Variants in EDIL3 observed in about 807,000 individuals in gnomAD.
EDIL3 encodes the protein EGF like and discoidin domains 3.
A neutral mutation model predicts 67.4 loss-of-function variants in EDIL3; 37 were observed. That is an observed-to-expected ratio of 0.55 (90% CI 0.42 to 0.72). EDIL3 has a LOEUF of 0.72. EDIL3 is among the 30% of genes least tolerant of loss of function. The probability of loss-of-function intolerance (pLI) is 0.00; values close to 1 mark genes in which losing one functional copy is unlikely to be tolerated. For synonymous variants in EDIL3, 195 were observed against 196.3 expected, an observed-to-expected ratio of 0.99 and a Z score of 0.05; for missense variants, 527 against 586.3, an observed-to-expected ratio of 0.90 and a Z score of 1.04.
At chr5:84,157,936 A>G (rs879644326) in intron 4 of EDIL3, among the ~76,000 whole-genome samples, 2 of 152,116 alleles carry the variant, frequency 1.3e-5, no homozygotes, top group African/African-American at 2.4e-5. Flanking sequence ...CAATCGAAGG[A>G]GATTTTTCTG....
intron 1 of EDIL3, among the ~76,000 whole-genome samples, chr5:84,374,917 T>C (rs1373080744): frequency 1.3e-5 from 2 of 151,896 alleles, no homozygotes; most frequent in Non-Finnish European, 2.9e-5. Context: ...GAACTGTGAG[T>C]CAATTAAATT....
chr5:84,229,944 G>A (rs550439681), intron 2 of EDIL3, 60 bp from the exon 3 acceptor site: 2 of 1,399,808 alleles, frequency 1.4e-6, no homozygotes, highest in East Asian at 2.3e-5. Context: ...GGGAGAAGGG[G>A]GGAGAGAGAA....
At chr5:84,096,612 G>GT (rs1017209081) in intron 6 of EDIL3, among the ~76,000 whole-genome samples, 2 of 152,068 alleles carry the variant, frequency 1.3e-5, no homozygotes, top group African/African-American at 4.8e-5. Context: ...AAGGGACTTG[G>GT]TTTTTTTCAG....
chr5:84,214,359 T>C (rs1484294285), intron 3 of EDIL3, among the ~76,000 whole-genome samples: 1 of 152,094 alleles, frequency 6.6e-6, no homozygotes, highest in African/African-American at 2.4e-5. Context: ...GTATCTTATA[T>C]AAAATGGCAT....
intron 4 of EDIL3, among the ~76,000 whole-genome samples, chr5:84,141,712 T>C (rs1460180964): frequency 2.0e-5 from 3 of 148,956 alleles, no homozygotes; most frequent in African/African-American, 7.3e-5. Flanking sequence ...GCCTCTGTTA[T>C]AACTAATTAC....
intron 4 of EDIL3, among the ~76,000 whole-genome samples, chr5:84,141,987 C>CTATCTATCTATG (rs1451707456): frequency 6.9e-6 from 1 of 145,948 alleles, no homozygotes; most frequent in Non-Finnish European, 1.5e-5. Context: ...ATCTATCTAT[C>CTATCTATCTATG]TATCTATCTA....
At chr5:84,165,607 G>A (rs1490551131) in intron 4 of EDIL3, among the ~76,000 whole-genome samples, 2 of 152,100 alleles carry the variant, frequency 1.3e-5, no homozygotes, top group African/African-American at 4.8e-5. Context: ...GAGAAGCAAA[G>A]TGACTCCAAC....
At chr5:84,351,226 A>AT (rs1481498993) in intron 1 of EDIL3, among the ~76,000 whole-genome samples, 27 of 152,228 alleles carry the variant, frequency 1.8e-4, no homozygotes, top group African/African-American at 6.3e-4. Flanking sequence ...ATTTTTATCT[A>AT]TTTTGACTCT....
chr5:84,048,154 C>G (rs1010751658), intron 9 of EDIL3: 11 of 369,712 alleles, frequency 3.0e-5, no homozygotes, highest in Admixed American at 2.2e-4. Flanking sequence ...TATAGGTGAA[C>G]CTTCATAAAT....
chr5:84,128,196 T>C (rs769838008), intron 5 of EDIL3, among the ~76,000 whole-genome samples: 126 of 152,146 alleles, frequency 8.3e-4, no homozygotes, highest in Admixed American at 2.0e-3. Flanking sequence ...TCAAGTTTTA[T>C]TGCAACCATT....
At chr5:84,299,081 A>G (rs952882140) in intron 1 of EDIL3, among the ~76,000 whole-genome samples, 2 of 152,220 alleles carry the variant, frequency 1.3e-5, no homozygotes, top group African/African-American at 2.4e-5. Context: ...GTGAAGGACA[A>G]CTTGGTACAG....
chr5:84,074,857 C>A (rs1746820286), intron 6 of EDIL3, among the ~76,000 whole-genome samples: 1 of 152,020 alleles, frequency 6.6e-6, no homozygotes, highest in Non-Finnish European at 1.5e-5. Context: ...GGGTATATGC[C>A]CAAAGGACTA....
In EDIL3 at chr5:84,112,715, T is replaced by G. The variant is rs1269995911; in HGVS notation, c.470-5885A>C. 2.0e-5 allele frequency among the ~76,000 whole-genome samples: 3 copies of G among 152,294 alleles called. No homozygotes were observed. In the East Asian group the frequency reaches 5.8e-4, roughly 29 times the overall value. Reference sequence around the variant, plus strand: ...CTGGTCCACAACTCATCCACATGTTTATGTGTGCCCATCTGTTTTCTCACA... The same window carrying G: ...CTGGTCCACAACTCATCCACATGTTGATGTGTGCCCATCTGTTTTCTCACA... On this transcript the variant is annotated intron_variant, in intron 5 of 10. Coordinates refer to ENST00000296591, the MANE Select transcript of EDIL3 (RefSeq NM_005711.5).
Position 84,333,075 on chromosome 5 carries a change from T to C in EDIL3, c.67+51233A>G, listed in dbSNP as rs1050249684. Among the ~76,000 whole-genome samples, 3 of 152,148 alleles carry C rather than the reference T, an allele frequency of 2.0e-5. No individual in the cohort carries two copies. The South Asian group carries it at 6.2e-4, about 31-fold the overall frequency. ...GATAGATAAAATAAGAGAAAACTTG[T>C]GCAAAACTCTTAAATGCCCACCCTT... is the stretch of plus-strand genomic sequence containing the variant. On this transcript the variant is annotated intron_variant, in intron 1 of 10. Coordinates refer to ENST00000296591, the MANE Select transcript of EDIL3 (RefSeq NM_005711.5).
chr5:83,972,606 T>G (rs1272248414), intron 9 of EDIL3, among the ~76,000 whole-genome samples: 1 of 152,042 alleles, frequency 6.6e-6, no homozygotes, highest in Non-Finnish European at 1.5e-5. Context: ...AGGGAAACTT[T>G]CCAAATATAG....
Position 83,963,322 on chromosome 5 carries a change from AATG to A in EDIL3, c.1173_1175del (p.Ile392del). 6.2e-7 allele frequency: 1 copy of A among 1,609,302 alleles called. No homozygotes were observed. Among genetic ancestry groups the A allele is most frequent in the Non-Finnish European group, 8.5e-7 (1 of 1,177,384 alleles). On this transcript the variant is annotated inframe_deletion, in exon 10 of 11. Transcript: ENST00000296591. Reference sequence around the variant, plus strand: ...GACCAAAATCTTTAGCTCCTTGTGTAATGATGCCAGTCACTTTGGTTGGAACAA... The same window carrying A: ...GACCAAAATCTTTAGCTCCTTGTGTAATGCCAGTCACTTTGGTTGGAACAA...
chr5:83,946,747 G>A (rs772761853), intron 10 of EDIL3, among the ~76,000 whole-genome samples: 7 of 151,832 alleles, frequency 4.6e-5, no homozygotes, highest in Non-Finnish European at 1.0e-4. Context: ...CCACGATGTA[G>A]TCAGAGAGGT....
At chr5:84,016,742 C>CAT (rs1377127108) in intron 9 of EDIL3, among the ~76,000 whole-genome samples, 2 of 152,134 alleles carry the variant, frequency 1.3e-5, no homozygotes, top group Non-Finnish European at 2.9e-5. Context: ...GATTTCAATA[C>CAT]ATATATATGT....
At chr5:84,224,821 CA>C (rs1436238655) in intron 3 of EDIL3, among the ~76,000 whole-genome samples, 1 of 151,116 alleles carries the variant, frequency 6.6e-6, no homozygotes, top group Non-Finnish European at 1.5e-5. Context: ...AAGGAAGTTT[CA>C]AAAAAATAGT....
Sources: allele counts gnomAD v4.1 joint callset (sites outside exome capture counted in the v4.1 genomes callset), GRCh38; gene constraint gnomAD v4.1.1; transcripts MANE v1.5; gene names NCBI Gene and HGNC (gene_info 2026-07-23, HGNC 2026-07-21).